Variants in TCF12 observed in about 807,000 individuals in gnomAD.
The protein encoded by TCF12 is transcription factor 12.
A neutral mutation model predicts 86.0 loss-of-function variants in TCF12; 45 were observed. The ratio of observed to expected loss-of-function variants is 0.52; its 90% CI spans 0.41 to 0.67. The LOEUF (loss-of-function observed/expected upper bound fraction) is 0.67. TCF12 is among the 30% of genes least tolerant of loss of function. The pLI is 0.00. For missense variants in TCF12, 881 were observed against 859.9 expected, an observed-to-expected ratio of 1.02 and a Z score of -0.31; for synonymous variants, 330 against 299.6, an observed-to-expected ratio of 1.10 and a Z score of -1.05.
intron 19 of TCF12, among the ~76,000 whole-genome samples, chr15:57,277,138 CAATT>C (rs1302860891): frequency 3.9e-5 from 6 of 152,018 alleles, no homozygotes; most frequent in Admixed American, 6.6e-5. Flanking sequence ...CCTTGCCAGA[CAATT>C]AATCAAAAGA....
rs148986615 is a variant in TCF12 at position 57,197,874 on chromosome 15, G to GT, written c.579+50dup. 1,116 of 1,586,790 alleles carry GT rather than the reference G, an allele frequency of 7.0e-4. 9 individuals are homozygous for GT. In the African/African-American group the frequency reaches 0.013, roughly 19 times the overall value. ...TTGATGGTAAACAAACTGATTTCAA[G>GT]TGTTCCGTATTACCTTGCTACAAGG... On this transcript the variant is annotated intron_variant, in intron 8 of 20. Transcript: ENST00000333725.
chr15:57,170,576 C>T (rs2055241693), intron 6 of TCF12, among the ~76,000 whole-genome samples: 1 of 135,592 alleles, frequency 7.4e-6, no homozygotes, highest in Non-Finnish European at 1.5e-5. Flanking sequence ...TCTTCATATA[C>T]CTCCCTGAGT....
At chr15:57,190,065 A>T (rs1347129880) in intron 6 of TCF12, among the ~76,000 whole-genome samples, 3 of 152,190 alleles carry the variant, frequency 2.0e-5, no homozygotes, top group Non-Finnish European at 4.4e-5. Context: ...AGTGGTTGCC[A>T]TGGGCTAGGG....
At chr15:57,121,462 G>T (rs550719795) in intron 5 of TCF12, among the ~76,000 whole-genome samples, 1 of 152,244 alleles carries the variant, frequency 6.6e-6, no homozygotes, top group South Asian at 2.1e-4. Context: ...CCTGTGGGAG[G>T]TTATTAAATT....
chr15:57,097,092 C>A (rs1213980438), intron 5 of TCF12, among the ~76,000 whole-genome samples: 1 of 152,044 alleles, frequency 6.6e-6, no homozygotes, highest in East Asian at 1.9e-4. Context: ...ATATTTGGTA[C>A]CTCAAATAAC....
intron 5 of TCF12, among the ~76,000 whole-genome samples, chr15:57,094,661 C>G (rs2049201310): frequency 6.6e-6 from 1 of 152,114 alleles, no homozygotes; most frequent in Non-Finnish European, 1.5e-5. Context: ...CTGTTGATAA[C>G]CAATCATCGC....
chr15:56,960,622 G>T (rs1248122691), intron 3 of TCF12, among the ~76,000 whole-genome samples: 1 of 151,520 alleles, frequency 6.6e-6, no homozygotes, highest in African/African-American at 2.4e-5. Context: ...TAGAGATGGG[G>T]TTTCACCATG....
chr15:57,193,308 C>T (rs1188411247), intron 7 of TCF12, among the ~76,000 whole-genome samples: 1 of 152,202 alleles, frequency 6.6e-6, no homozygotes, highest in African/African-American at 2.4e-5. Context: ...AGTTGAGTAG[C>T]ATATACTACA....
chr15:57,047,032 T>C lies in TCF12; in HGVS notation c.149-16718T>C, dbSNP rs560380436. Among the ~76,000 whole-genome samples, 4 of 152,334 alleles carry C rather than the reference T, an allele frequency of 2.6e-5. No individual in the cohort carries two copies. In the South Asian group the frequency reaches 6.2e-4, roughly 24 times the overall value. On this transcript the variant is annotated intron_variant, in intron 3 of 20. Transcript: ENST00000333725. ...TGAATCTAAACTACGCCTTTCGTCT[T>C]TACAAGTTCTTTAGTTTGAAAGTTT... is the stretch of plus-strand genomic sequence containing the variant.
intron 8 of TCF12, among the ~76,000 whole-genome samples, chr15:57,220,874 T>C (rs2058558384): frequency 6.6e-6 from 1 of 152,098 alleles, no homozygotes. Context: ...TATGAAAAAA[T>C]GCATATATGG....
chr15:57,014,250 T>C (rs893654572), intron 3 of TCF12, among the ~76,000 whole-genome samples: 5 of 152,190 alleles, frequency 3.3e-5, no homozygotes, highest in African/African-American at 1.2e-4. Flanking sequence ...ATTTGTGTTA[T>C]GTGTTCACTC....
chr15:57,090,956 C>T (rs1318356415), intron 4 of TCF12, among the ~76,000 whole-genome samples: 2 of 152,080 alleles, frequency 1.3e-5, no homozygotes, highest in African/African-American at 4.8e-5. Context: ...AATTTTGTAA[C>T]ACTTGTTTTT....
chr15:57,008,845 C>T (rs1197044160), intron 3 of TCF12, among the ~76,000 whole-genome samples: 1 of 152,056 alleles, frequency 6.6e-6, no homozygotes, highest in Non-Finnish European at 1.5e-5. Context: ...TGCAATATTT[C>T]ATGATGTCCA....
chr15:57,200,487 A>G (rs1251051900), intron 8 of TCF12, among the ~76,000 whole-genome samples: 2 of 152,176 alleles, frequency 1.3e-5, no homozygotes, highest in Non-Finnish European at 1.5e-5. Flanking sequence ...TTTTATGATA[A>G]TTTGAATATT....
intron 6 of TCF12, among the ~76,000 whole-genome samples, chr15:57,171,557 G>T (rs1372566730): frequency 6.6e-6 from 1 of 152,154 alleles, no homozygotes; most frequent in Non-Finnish European, 1.5e-5. Flanking sequence ...TGCTATTAAT[G>T]TACATAAAAT....
intron 6 of TCF12, 114 bp from the exon 7 acceptor site, chr15:57,192,044 G>A (rs2057007706): frequency 3.4e-6 from 4 of 1,163,116 alleles, no homozygotes; most frequent in African/African-American, 3.1e-5. Context: ...CTTAATGGGT[G>A]CGTTCTAAGT....
rs567065710 is a variant in TCF12, at chr15:57,205,094, C to T, written c.579+7269C>T. ...TTGGGAGGTGGAGGCGGGCAGATCACTTGAGCCCAGGAGTTCGAGATCTGC... is the reference window on the plus strand; with the variant it reads ...TTGGGAGGTGGAGGCGGGCAGATCATTTGAGCCCAGGAGTTCGAGATCTGC... On this transcript the variant is annotated intron_variant, in intron 8 of 20. Transcript: ENST00000333725. Among the ~76,000 whole-genome samples, 12 of 152,222 alleles carry T rather than the reference C, an allele frequency of 7.9e-5. No homozygotes were observed. The South Asian group carries it at 2.5e-3, about 32-fold the overall frequency.
chr15:57,197,686 C>T lies in TCF12; in HGVS notation c.527-87C>T, dbSNP rs976893444. On this transcript the variant is annotated intron_variant, in intron 7 of 20. Transcript: ENST00000333725. The stretch of plus-strand genomic sequence containing the variant: ...CAAATATTGGAAAACAAGAAAGACG[C>T]TAGGGGAAAAGTTATTCTGTTAATT... 13 of 1,478,446 alleles carry T rather than the reference C, an allele frequency of 8.8e-6. No individual in the cohort carries two copies. In the African/African-American group the frequency reaches 1.8e-4, roughly 21 times the overall value. The allele number at this position is 1,478,446 out of a possible 1,614,324, so 91.6% of individuals were successfully genotyped here.
chr15:57,166,695 A>G (rs1276709349), intron 6 of TCF12, among the ~76,000 whole-genome samples: 1 of 152,222 alleles, frequency 6.6e-6, no homozygotes, highest in Admixed American at 6.5e-5. Flanking sequence ...TTAACTGGAA[A>G]CAAAGCTACC....
Sources: allele counts gnomAD v4.1 joint callset (sites outside exome capture counted in the v4.1 genomes callset), GRCh38; gene constraint gnomAD v4.1.1; transcripts MANE v1.5; gene names NCBI Gene and HGNC (gene_info 2026-07-23, HGNC 2026-07-21).